The following C3 variants were observed in gnomAD, a reference collection of about 807,000 sequenced individuals.
C3 encodes complement C3, also known as C3 and PZP-like alpha-2-macroglobulin domain-containing protein 1.
In C3, 97 loss-of-function variants were observed where a neutral mutation model predicts 207.9. The ratio of observed to expected loss-of-function variants is 0.47; its 90% CI spans 0.40 to 0.55. The LOEUF (loss-of-function observed/expected upper bound fraction) is 0.55. Among genes scored for constraint, C3 ranks in the 20% least tolerant of loss-of-function variants. The probability of loss-of-function intolerance (pLI) is 0.00; values close to 1 mark genes in which losing one functional copy is unlikely to be tolerated. For synonymous variants in C3, 848 were observed against 857.6 expected (o/e 0.99, Z 0.20); for missense variants, 1,684 against 2,171.7 (o/e 0.78, Z 4.46).
chr19:6,713,689 C>T, intron 7 of C3, 180 bp from the exon 8 acceptor site: 1 of 539,066 alleles, frequency 1.9e-6, no homozygotes, highest in Non-Finnish European at 3.4e-6. Context: ...CCACTCCCAC[C>T]CCCCACATGG....
In C3 at chr19:6,690,619, G is replaced by A. The variant is rs1918141331; in HGVS notation, c.3489+10C>T. ...AGGTAGGGTAGGGTGGGAAGATGGA[G>A]GGCACTTACGTTGACCTGCTCCTCG... On this transcript the variant is annotated intron_variant, in intron 27 of 40. Coordinates refer to ENST00000245907, the MANE Select transcript of C3 (RefSeq NM_000064.4). 1 of 1,609,586 alleles carries A rather than the reference G, an allele frequency of 6.2e-7. No homozygotes were observed. Among genetic ancestry groups the A allele is most frequent in the East Asian group, 2.2e-5 (1 of 44,864 alleles).
intron 34 of C3, 52 bp downstream of exon 34, chr19:6,682,090 T>C: frequency 6.2e-7 from 1 of 1,603,678 alleles, no homozygotes; most frequent in Non-Finnish European, 8.5e-7. Context: ...CTGCAGCCTC[T>C]TCCAGAACCC....
chr19:6,688,779 C>T (rs1476753358), intron 27 of C3, among the ~76,000 whole-genome samples: 1 of 152,180 alleles, frequency 6.6e-6, no homozygotes, highest in Non-Finnish European at 1.5e-5. Context: ...TCTCTGACAT[C>T]CACTCCTTTT....
chr19:6,683,639 G>A (rs1222221542), intron 33 of C3, among the ~76,000 whole-genome samples: 4 of 151,910 alleles, frequency 2.6e-5, no homozygotes, highest in Non-Finnish European at 5.9e-5. Context: ...TTTTAGTAGA[G>A]ACGGTGTTTC....
Position 6,684,999 on chromosome 19 carries a change from G to T in C3, c.3958C>A (p.Arg1320=), listed in dbSNP as rs141718696. The T allele has an allele frequency of 6.5e-4, 1,041 of 1,613,678 alleles. 3 individuals are homozygous for T. The African/African-American group carries it at 0.012, about 19-fold the overall frequency. The part of the protein sequence containing the change: ...RIHWESASLL[R]SEETKENEGF... Reference sequence around the variant, plus strand: ...CTGGGTGACTGTACCTCTTCTGATCGCAGGAGGCTGGCAGATTCCCAGTGG... The same window carrying T: ...CTGGGTGACTGTACCTCTTCTGATCTCAGGAGGCTGGCAGATTCCCAGTGG... The change falls in exon 30 of 41, where the codon CGA becomes AGA. Residue 1320 remains arginine, a synonymous_variant. Transcript: ENST00000245907.
chr19:6,715,964 T>A (rs906088167), intron 4 of C3, among the ~76,000 whole-genome samples: 1 of 152,042 alleles, frequency 6.6e-6, no homozygotes, highest in Non-Finnish European at 1.5e-5. Flanking sequence ...AACAAGGAAA[T>A]TTCTGTGGAT....
Position 6,678,381 on chromosome 19 carries a change from T to C in C3, c.4705A>G (p.Ile1569Val), listed in dbSNP as rs1264930404. 6.2e-7 allele frequency: 1 copy of C among 1,614,102 alleles called. No homozygotes were observed. ...DEYIMAIEQT[I>V]KSGSDEVQVG... ...GCGTGCTGAGCCTGACCTGACTTGA[T>C]GGTCTGCTCAATGGCCATGATGTAC... The change falls in exon 39 of 41, where the codon ATC becomes GTC. Residue 1569 changes from isoleucine to valine, a missense_variant. By Grantham distance (29) the Ile-to-Val change is conservative. Around this residue, in one of 3 missense-constraint regions of C3, gnomAD observed 346 missense variants for 380.1 expected, o/e 0.91. Transcript: ENST00000245907.
In C3 at chr19:6,717,735, GTTGTGTGTTGTGT is replaced by G. The variant is rs1005700820; in HGVS notation, c.504+346_504+358del. ...GTATGTTGTGTATTGTGTTGTGTGT[GTTGTGTGTTGTGT>G]GTGTGGTCATGCACGTTGTGCTGTG... On this transcript the variant is annotated intron_variant, in intron 4 of 40. Coordinates refer to ENST00000245907, the MANE Select transcript of C3 (RefSeq NM_000064.4). 40 of 356,260 alleles carry G rather than the reference GTTGTGTGTTGTGT, an allele frequency of 1.1e-4. No homozygotes were observed. In the African/African-American group the frequency reaches 1.5e-3, roughly 13 times the overall value. 22.1% of individuals were successfully genotyped at this position (356,260 alleles called of 1,614,324 possible).
chr19:6,688,079 C>T (rs1440954745), intron 27 of C3, among the ~76,000 whole-genome samples: 1 of 150,736 alleles, frequency 6.6e-6, no homozygotes, highest in Non-Finnish European at 1.5e-5. Context: ...CTCCTGACCT[C>T]GTGATCCGCC....
intron 17 of C3, among the ~76,000 whole-genome samples, chr19:6,705,644 G>A (rs1336097244): frequency 6.6e-6 from 1 of 150,668 alleles, no homozygotes; most frequent in African/African-American, 2.4e-5. Context: ...ACCGTGCCCG[G>A]CCAATTTTCT....
At chr19:6,712,699 A>C in intron 9 of C3, 76 bp from the exon 10 acceptor site, 1 of 1,195,422 alleles carries the variant, frequency 8.4e-7, no homozygotes, top group South Asian at 1.2e-5. Context: ...AATGGACCCC[A>C]ACTTCAGACT....
intron 19 of C3, among the ~76,000 whole-genome samples, chr19:6,699,205 A>G (rs1042824180): frequency 6.6e-6 from 1 of 151,640 alleles, no homozygotes; most frequent in Non-Finnish European, 1.5e-5. Flanking sequence ...CTACTTGAGT[A>G]TGAGGATCTA....
rs1918202818 is a variant in C3 at position 6,692,968 on chromosome 19, C to A, written c.3346G>T (p.Gly1116Trp). ...WLILEKQKPDGVFQEDAPVIH... is the reference protein window; with the variant it reads ...WLILEKQKPDWVFQEDAPVIH... ...ACGGGCGCATCCTCCTGGAAGACCC[C>A]GTCGGGCTTCTGCTTCTCCAGGATC... is the stretch of plus-strand genomic sequence containing the variant. Residue 1116 changes from glycine to tryptophan, a missense_variant, in exon 26 of 41, where the codon GGG becomes TGG. Physicochemically the swap from Gly to Trp is radical, Grantham distance 184. Transcript: ENST00000245907. 6.2e-7 allele frequency: 1 copy of A among 1,614,180 alleles called. No individual in the cohort carries two copies. Among genetic ancestry groups the A allele is most frequent in the Admixed American group, 1.7e-5 (1 of 60,020 alleles).
intron 17 of C3, among the ~76,000 whole-genome samples, chr19:6,705,332 TTCTC>T (rs200729858): frequency 2.0e-5 from 3 of 149,356 alleles, no homozygotes; most frequent in Non-Finnish European, 4.4e-5. Context: ...TTCTTTTCTT[TTCTC>T]TCTCTTTTTT....
rs762039086 is a variant in C3 at position 6,707,106 on chromosome 19, C to T, written c.2215G>A (p.Ala739Thr). The T allele has an allele frequency of 1.9e-6, 3 of 1,612,826 alleles. No homozygotes were observed. In the African/African-American group the frequency reaches 4.0e-5, roughly 22 times the overall value. ...GCCAGGCCCAGGTGGCTGGCCCGCG[C>T]GTGCTGCCGCCGCAGCTCTGTGATG... is the stretch of plus-strand genomic sequence containing the variant. ...NYITELRRQHARASHLGLARS... is the reference protein window; with the variant it reads ...NYITELRRQHTRASHLGLARS... The change falls in exon 17 of 41, where the codon GCG becomes ACG. Residue 739 changes from alanine to threonine, a missense_variant. By Grantham distance (58) the Ala-to-Thr change is moderately conservative. Coordinates refer to ENST00000245907, the MANE Select transcript of C3 (RefSeq NM_000064.4).
chr19:6,702,686 C>T, intron 17 of C3, 107 bp from the exon 18 acceptor site: 1 of 794,688 alleles, frequency 1.3e-6, no homozygotes, highest in East Asian at 2.5e-5. Flanking sequence ...TCACTTGAGG[C>T]CAGGAGTTGG....
intron 14 of C3, among the ~76,000 whole-genome samples, chr19:6,709,244 C>T (rs11569425): frequency 0.027 from 4,137 of 152,140 alleles, 213 homozygotes; most frequent in African/African-American, 0.095. Flanking sequence ...GCCAAGAGAT[C>T]GAGACCATCC....
rs774498545 is a variant in C3, at chr19:6,684,764, C to T, written c.4029+11G>A. The T allele has an allele frequency of 6.2e-7, 1 of 1,614,156 alleles. No homozygotes were observed. The highest frequency in any genetic ancestry group is 8.5e-7 in the Non-Finnish European group (1 of 1,179,982). On this transcript the variant is annotated intron_variant, in intron 31 of 40. Transcript: ENST00000245907. ...GCATGGGCCAGGCAGGTGTGGGTTT[C>T]TGTTCCTTACCGACAAGGTGCCTTG... is the stretch of plus-strand genomic sequence containing the variant.
intron 17 of C3, among the ~76,000 whole-genome samples, chr19:6,706,549 C>T (rs950670684): frequency 6.6e-6 from 1 of 152,136 alleles, no homozygotes; most frequent in Non-Finnish European, 1.5e-5. Flanking sequence ...CAGGGCATCA[C>T]CTCATCGGCA....
Sources: gnomAD v4.1 joint callset for allele counts (sites outside exome capture counted in the v4.1 genomes callset) on GRCh38, gnomAD v4.1.1 for gene constraint, gnomAD v4.1.1 regional missense constraint, MANE v1.5 for transcripts, NCBI Gene and HGNC (gene_info 2026-07-23, HGNC 2026-07-21) for gene names.